The following NLRP13 variants were observed in gnomAD, a reference collection of about 807,000 sequenced individuals.
The protein encoded by NLRP13 is NLR family pyrin domain containing 13.
NLRP13 carries 82 observed loss-of-function variants against 94.4 expected under a neutral mutation model. The ratio of observed to expected loss-of-function variants is 0.87; its 90% confidence interval spans 0.73 to 1.04. The LOEUF is 1.04. NLRP13 is among the 50% of genes least tolerant of loss of function. The probability of loss-of-function intolerance (pLI) is 0.00; values close to 1 mark genes in which losing one functional copy is unlikely to be tolerated. For synonymous variants in NLRP13, 553 were observed against 464.7 expected (o/e 1.19, Z -2.45); for missense variants, 1,426 against 1,230.8 (o/e 1.16, Z -2.37).
Position 55,932,216 on chromosome 19 carries a change from G to T in NLRP13, c.96C>A (p.Phe32Leu), listed in dbSNP as rs756876652. 71 of 1,613,798 alleles carry T rather than the reference G, an allele frequency of 4.4e-5. No individual in the cohort carries two copies. The highest frequency in any genetic ancestry group is 5.8e-5 in the Non-Finnish European group (68 of 1,179,922). ...MALDQYQLEE[F>L]KLCLEPQQLM... ...GCTGCTGGGGTTCCAAGCAAAGCTT[G>T]AATTCCTCCAGCTGATACTGATCCA... The change falls in exon 1 of 11, where the codon TTC (phenylalanine) becomes TTA (leucine). Residue 32 changes from phenylalanine to leucine, a missense_variant. Phe to Leu is a conservative substitution (Grantham distance 22). Coordinates refer to ENST00000342929, the MANE Select transcript of NLRP13 (RefSeq NM_176810.2).
intron 9 of NLRP13, among the ~76,000 whole-genome samples, chr19:55,900,210 C>A (rs1383219515): frequency 2.6e-5 from 4 of 150,994 alleles, no homozygotes; most frequent in Non-Finnish European, 5.9e-5. Flanking sequence ...GAATTCCCTA[C>A]AAGTGACGAG....
chr19:55,917,271 A>C (rs1432618785), intron 4 of NLRP13, among the ~76,000 whole-genome samples: 3 of 152,132 alleles, frequency 2.0e-5, no homozygotes, highest in Admixed American at 6.5e-5. Flanking sequence ...AAACACACAA[A>C]ACTATAAAAT....
chr19:55,898,721 C>G (rs186108473), intron 10 of NLRP13, 49 bp downstream of exon 10: 8 of 1,524,292 alleles, frequency 5.2e-6, no homozygotes, highest in Non-Finnish European at 7.1e-6. Context: ...TCTCCCCACC[C>G]GCAAGAGTAG....
At chr19:55,898,545 AT>A (rs1986077854) in intron 10 of NLRP13, among the ~76,000 whole-genome samples, 1 of 152,048 alleles carries the variant, frequency 6.6e-6, no homozygotes, top group Non-Finnish European at 1.5e-5. Flanking sequence ...GGGTTTCCCC[AT>A]GTTGGTCAGG....
chr19:55,924,752 T>C (rs940247180), intron 2 of NLRP13, 94 bp from the exon 3 acceptor site: 4 of 1,100,608 alleles, frequency 3.6e-6, no homozygotes, highest in Non-Finnish European at 5.6e-6. Flanking sequence ...ACTTTTTCTA[T>C]GGCAAACGGG....
rs766329718 is a variant in NLRP13 at position 55,896,113 on chromosome 19, C to A, written c.2964G>T (p.Ala988=). Reference sequence around the variant, plus strand: ...AGCAAGCAGTTGTCAGATTGCATTTCGCCAACCTAGGGGCGGGTGGGAAGA... The same window carrying A: ...AGCAAGCAGTTGTCAGATTGCATTTAGCCAACCTAGGGGCGGGTGGGAAGA... ...PHRALHTLGL[A]KCNLTTACCQ... The change falls in exon 11 of 11, where the codon GCG becomes GCT. Residue 988 remains alanine (A), a synonymous_variant. Transcript: ENST00000342929. 6.2e-7 allele frequency: 1 copy of A among 1,613,948 alleles called. No homozygotes were observed. Among genetic ancestry groups the A allele is most frequent in the East Asian group, 2.2e-5 (1 of 44,876 alleles).
chr19:55,923,895 C>G lies in NLRP13; in HGVS notation c.523+19G>C. 1 of 1,599,328 alleles carries G rather than the reference C, an allele frequency of 6.3e-7. No individual in the cohort carries two copies. Among genetic ancestry groups the G allele is most frequent in the Non-Finnish European group, 8.6e-7 (1 of 1,166,516 alleles). On this transcript the variant is annotated intron_variant, in intron 4 of 10. Coordinates refer to ENST00000342929, the MANE Select transcript of NLRP13 (RefSeq NM_176810.2). ...CGTCAAGCAACCTGTCCATTATCAA[C>G]ATAAAGTAGTATACACACCTGCTTC...
chr19:55,924,873 T>C (rs1010125882), intron 2 of NLRP13, 94 bp downstream of exon 2: 1 of 1,122,620 alleles, frequency 8.9e-7, no homozygotes. Flanking sequence ...CACTATAAAT[T>C]CAAGAAATTT....
At chr19:55,924,062 ACT>A in intron 3 of NLRP13, 83 bp from the exon 4 acceptor site, 1 of 1,047,904 alleles carries the variant, frequency 9.5e-7, no homozygotes, top group Non-Finnish European at 1.5e-6. Flanking sequence ...AGTAGAACCA[ACT>A]CTTTCTATGG....
At chr19:55,920,801 T>C (rs1223111905) in intron 4 of NLRP13, among the ~76,000 whole-genome samples, 2 of 152,192 alleles carry the variant, frequency 1.3e-5, no homozygotes. Context: ...CCTGCACTCC[T>C]GTGTTTATTG....
chr19:55,914,457 A>G (rs983554503), intron 4 of NLRP13, among the ~76,000 whole-genome samples: 1 of 152,252 alleles, frequency 6.6e-6, no homozygotes, highest in African/African-American at 2.4e-5. Context: ...GAAAACAAGT[A>G]GAAAGCTACT....
downstream of NLRP13, among the ~76,000 whole-genome samples, chr19:55,895,374 C>G (rs1445014769): frequency 6.6e-6 from 1 of 151,792 alleles, no homozygotes; most frequent in Non-Finnish European, 1.5e-5. Context: ...GAGCAAGACT[C>G]CATCTCAAAA....
downstream of NLRP13, chr19:55,891,800 G>A: frequency 3.0e-6 from 1 of 332,994 alleles, no homozygotes; most frequent in Non-Finnish European, 5.4e-6. Context: ...TTATGATCTT[G>A]GTACCAGACA....
chr19:55,927,726 G>C lies in NLRP13; in HGVS notation c.320-2691C>G, dbSNP rs75231185. Among the ~76,000 whole-genome samples, 85 of 152,296 alleles carry C rather than the reference G, an allele frequency of 5.6e-4. 2 individuals carry two copies. In the East Asian group the frequency reaches 9.3e-3, roughly 17 times the overall value. Reference sequence around the variant, plus strand: ...TGCAAGTTCCTACTCTGTGCCCAGTGCCTTCTAAGCATTTCACTCTAGAAA... The same window carrying C: ...TGCAAGTTCCTACTCTGTGCCCAGTCCCTTCTAAGCATTTCACTCTAGAAA... On this transcript the variant is annotated intron_variant, in intron 1 of 10. Coordinates refer to ENST00000342929, the MANE Select transcript of NLRP13 (RefSeq NM_176810.2).
At chr19:55,902,525 G>A (rs1022743411) in intron 8 of NLRP13, among the ~76,000 whole-genome samples, 2 of 152,100 alleles carry the variant, frequency 1.3e-5, no homozygotes, top group Admixed American at 1.3e-4. Flanking sequence ...AAATGGGCTT[G>A]TCTGTCAGCA....
intron 6 of NLRP13, among the ~76,000 whole-genome samples, chr19:55,908,709 G>T (rs991513782): frequency 1.3e-5 from 2 of 152,166 alleles, no homozygotes; most frequent in African/African-American, 4.8e-5. Flanking sequence ...ACTTATAAGT[G>T]GGAGCTAAAT....
chr19:55,932,073 T>C lies in NLRP13; in HGVS notation c.239A>G (p.Gln80Arg). The C allele has an allele frequency of 6.2e-7, 1 of 1,614,170 alleles. No individual in the cohort carries two copies. The highest frequency in any genetic ancestry group is 8.5e-7 in the Non-Finnish European group (1 of 1,180,014). Residue 80 changes from glutamine to arginine, a missense_variant, in exon 1 of 11, where the codon CAG becomes CGG. Physicochemically the swap from Gln to Arg is conservative, Grantham distance 43. Coordinates refer to ENST00000342929, the MANE Select transcript of NLRP13 (RefSeq NM_176810.2). ...FLLDEHFPKGQAWKVVLGIFQ... is the reference protein window; with the variant it reads ...FLLDEHFPKGRAWKVVLGIFQ... Reference sequence around the variant, plus strand: ...GATGCCGAGGACCACTTTCCATGCCTGACCTTTTGGGAAGTGTTCATCCAA... The same window carrying C: ...GATGCCGAGGACCACTTTCCATGCCCGACCTTTTGGGAAGTGTTCATCCAA...
intron 4 of NLRP13, among the ~76,000 whole-genome samples, chr19:55,913,855 C>T (rs1208447571): frequency 2.6e-5 from 4 of 151,978 alleles, no homozygotes; most frequent in Admixed American, 1.3e-4. Context: ...ACCAGCTCAG[C>T]ACCCCAAAGA....
chr19:55,932,288 G>A lies in NLRP13; in HGVS notation c.24C>T (p.Cys8=). 2 of 1,607,444 alleles carry A rather than the reference G, an allele frequency of 1.2e-6. No homozygotes were observed. The highest frequency in any genetic ancestry group is 1.7e-6 in the Non-Finnish European group (2 of 1,178,440). MNFSVIT[C]PNGGTNQGLL... is the part of the protein sequence containing the mutation. Reference sequence around the variant, plus strand: ...GCCCTTGGTTGGTACCACCGTTGGGGCAGGTGATTACAGAAAAGTTCATCT... The same window carrying A: ...GCCCTTGGTTGGTACCACCGTTGGGACAGGTGATTACAGAAAAGTTCATCT... The change falls in exon 1 of 11, where the codon TGC becomes TGT. Residue 8 remains cysteine (C), a synonymous_variant. Transcript: ENST00000342929.
Sources: allele counts gnomAD v4.1 joint callset (sites outside exome capture counted in the v4.1 genomes callset), GRCh38; gene constraint gnomAD v4.1.1; transcripts MANE v1.5; gene names NCBI Gene and HGNC (gene_info 2026-07-23, HGNC 2026-07-21).